The following TRAK1 variants were observed in gnomAD, a reference collection of about 807,000 sequenced individuals.
TRAK1 encodes the protein trafficking kinesin protein 1.
A neutral mutation model predicts 92.1 loss-of-function variants in TRAK1; 33 were observed. The ratio of observed to expected loss-of-function variants is 0.36; its 90% CI spans 0.27 to 0.48. The LOEUF (loss-of-function observed/expected upper bound fraction) is 0.48, where lower values mean the gene tolerates loss of function less well. Ranked by LOEUF, TRAK1 falls within the 20% of genes least tolerant of loss-of-function variation. The pLI is 0.99. For synonymous variants in TRAK1, 521 were observed against 517.3 expected, an observed-to-expected ratio of 1.01 and a Z score of -0.10; for missense variants, 1,123 against 1,257.9, an observed-to-expected ratio of 0.89 and a Z score of 1.62.
upstream of TRAK1, among the ~76,000 whole-genome samples, chr3:42,086,321 T>G (rs1216607732): frequency 6.6e-6 from 1 of 151,594 alleles, no homozygotes; most frequent in Non-Finnish European, 1.5e-5. Flanking sequence ...CTTTTTTTTT[T>G]TTTGAGATGA....
At chr3:42,037,353 G>A (rs1009902720) in intron 1 of TRAK1, among the ~76,000 whole-genome samples, 2 of 151,870 alleles carry the variant, frequency 1.3e-5, no homozygotes, top group Non-Finnish European at 1.5e-5. Context: ...TTTTGTTTTC[G>A]GCCTTCCCTC....
At chr3:42,108,593 G>T (rs1158663850) in intron 1 of TRAK1, among the ~76,000 whole-genome samples, 1 of 151,132 alleles carries the variant, frequency 6.6e-6, no homozygotes, top group African/African-American at 2.4e-5. Context: ...TATTTGCATA[G>T]CATGATGGGT....
At chr3:42,162,088 G>A (rs1047856467) in intron 2 of TRAK1, among the ~76,000 whole-genome samples, 1 of 152,134 alleles carries the variant, frequency 6.6e-6, no homozygotes, top group Non-Finnish European at 1.5e-5. Context: ...TGATGGGCAC[G>A]CATGTTAAAG....
intron 1 of TRAK1, among the ~76,000 whole-genome samples, chr3:42,124,521 G>T (rs1271011034): frequency 6.6e-6 from 1 of 152,150 alleles, no homozygotes; most frequent in Non-Finnish European, 1.5e-5. Context: ...CATTTTAAAG[G>T]CCTGCATTAA....
chr3:42,128,551 T>C (rs1203087993), intron 2 of TRAK1, among the ~76,000 whole-genome samples: 3 of 152,140 alleles, frequency 2.0e-5, no homozygotes. Flanking sequence ...AAAGGGTCTG[T>C]AGAGAGAATT....
In TRAK1 at chr3:42,210,349, C is replaced by G. The variant is rs543994949; in HGVS notation, c.1963+364C>G. On this transcript the variant is annotated intron_variant, in intron 14 of 15. Coordinates refer to ENST00000327628, the MANE Select transcript of TRAK1 (RefSeq NM_001042646.3). The stretch of plus-strand genomic sequence containing the variant: ...CAATGGGTGTAGCTCCCCTGCCCAT[C>G]TTGGAGGTGCATGGCCCATCAGGGA... 5.6e-6 allele frequency: 8 copies of G among 1,431,050 alleles called. No individual in the cohort carries two copies. The African/African-American group carries it at 1.2e-4, about 21-fold the overall frequency. 88.6% of individuals were successfully genotyped at this position (1,431,050 alleles called of 1,614,324 possible). A position where few individuals can be genotyped will look rare whatever the true frequency, so the allele number is the denominator to read the frequency against.
At chr3:42,153,162 G>T (rs1700132876) in intron 2 of TRAK1, among the ~76,000 whole-genome samples, 1 of 152,166 alleles carries the variant, frequency 6.6e-6, no homozygotes, top group Admixed American at 6.5e-5. Context: ...CAGCATTTTG[G>T]CAGGCTAAAG....
At chr3:42,203,494 CTTTTTT>C (rs34602604) in intron 13 of TRAK1, 628 of 942,362 alleles carry the variant, frequency 6.7e-4, no homozygotes, top group East Asian at 9.9e-4. Flanking sequence ...CCTCCTGCCT[CTTTTTT>C]TTTTTTTTTT....
At chr3:42,027,359 T>C (rs924774113) in intron 1 of TRAK1, among the ~76,000 whole-genome samples, 5 of 152,008 alleles carry the variant, frequency 3.3e-5, no homozygotes, top group Admixed American at 2.6e-4. Context: ...CCGTCTCTAC[T>C]AAAAATACAA....
At chr3:42,121,633 CA>C (rs904468169) in intron 1 of TRAK1, among the ~76,000 whole-genome samples, 1 of 152,134 alleles carries the variant, frequency 6.6e-6, no homozygotes, top group African/African-American at 2.4e-5. Context: ...CCCCTTGAGG[CA>C]AACATGGTGT....
chr3:42,220,593 TGAGCACACCGCCAGCA>T (rs1412972223), intron 15 of TRAK1: 1 of 984,896 alleles, frequency 1.0e-6, no homozygotes, highest in Non-Finnish European at 1.2e-6. Context: ...AGGCAGGGGG[TGAGCACACCGCCAGCA>T]GTGCCTGCCC....
rs374417967 is a variant in TRAK1 at position 42,223,497 on chromosome 3, C to T, written c.2622C>T (p.Leu874=). 5.0e-5 allele frequency: 80 copies of T among 1,613,634 alleles called. No individual in the cohort carries two copies. Among genetic ancestry groups the T allele is most frequent in the Non-Finnish European group, 5.9e-5 (70 of 1,179,982 alleles). The change falls in exon 16 of 16, where the codon CTC becomes CTT. Residue 874 remains leucine, a synonymous_variant. Coordinates refer to ENST00000327628, the MANE Select transcript of TRAK1 (RefSeq NM_001042646.3). The surrounding 1 kb of genome is among the most constrained non-coding windows in gnomAD (Gnocchi z 6.1). The stretch of plus-strand genomic sequence containing the variant: ...TGACTGAGGAGCAGGGACCCCTCCT[C>T]TGTGGGCCCCCGGGGCCAGCACCAG... The part of the protein sequence containing the change: ...PTLTEEQGPL[L]CGPPGPAPAL...
chr3:42,154,515 G>A (rs1411543147), intron 2 of TRAK1, among the ~76,000 whole-genome samples: 1 of 151,970 alleles, frequency 6.6e-6, no homozygotes, highest in Non-Finnish European at 1.5e-5. Context: ...TCTTCTTCTT[G>A]TCACCCAGGC....
chr3:42,212,102 T>C (rs1709113521), intron 14 of TRAK1: 16 of 985,408 alleles, frequency 1.6e-5, no homozygotes, highest in Non-Finnish European at 1.9e-5. Context: ...ATTCTTAGAA[T>C]GTAAAAAGCA....
At position 42,188,123 on chromosome 3, in the gene TRAK1, C is replaced by A; in HGVS notation, c.559C>A (p.Pro187Thr). ...FYTSAAEESEPESVCSTPLKR... is the reference protein window; with the variant it reads ...FYTSAAEESETESVCSTPLKR... ...CACCAGCGCTGCGGAGGAGAGTGAG[C>A]CCGAGTCCGTTTGCTCAACCCCGTA... Residue 187 changes from proline to threonine, a missense_variant, in exon 5 of 16, where the codon CCC (proline) becomes ACC (threonine). Around this residue, in one of 3 missense-constraint regions of TRAK1, gnomAD observed 686 missense variants for 747.6 expected, o/e 0.92. Transcript: ENST00000327628. 6.2e-7 allele frequency: 1 copy of A among 1,614,040 alleles called. No homozygotes were observed.
intron 1 of TRAK1, among the ~76,000 whole-genome samples, chr3:42,079,471 C>CTTGTTTTTTT (rs1455044953): frequency 1.2e-5 from 1 of 85,020 alleles, no homozygotes; most frequent in African/African-American, 3.7e-5. Flanking sequence ...AAGGAAGCTC[C>CTTGTTTTTTT]TTCTTCTTTT....
chr3:42,189,184 C>A, intron 6 of TRAK1, 60 bp downstream of exon 6: 3 of 1,302,548 alleles, frequency 2.3e-6, no homozygotes, highest in Non-Finnish European at 3.3e-6. Context: ...TTCGCCTTAT[C>A]TGGCAAGGAC....
chr3:42,192,990 T>A, intron 7 of TRAK1, 85 bp from the exon 8 acceptor site: 1 of 1,555,272 alleles, frequency 6.4e-7, no homozygotes, highest in Non-Finnish European at 8.7e-7. Context: ...GTTTTTCTTG[T>A]GCAAACCACA....
chr3:42,112,634 C>G (rs921061783), intron 1 of TRAK1, among the ~76,000 whole-genome samples: 1 of 144,392 alleles, frequency 6.9e-6, no homozygotes. Context: ...ACTTGGGAAG[C>G]TGAGGCACGA....
Sources: gnomAD v4.1 joint callset for allele counts (sites outside exome capture counted in the v4.1 genomes callset) on GRCh38, gnomAD v4.1.1 for gene constraint, gnomAD v4.1.1 regional missense constraint, Gnocchi (gnomAD v3.1) non-coding constraint, MANE v1.5 for transcripts, NCBI Gene and HGNC (gene_info 2026-07-23, HGNC 2026-07-21) for gene names.